IL1RAPL1: variants seen among roughly 807,000 people sequenced by gnomAD.
IL1RAPL1 encodes interleukin 1 receptor accessory protein like 1, also known as interleukin-1 receptor accessory protein-like 1.
Under a neutral mutation model 48.4 loss-of-function variants are expected in IL1RAPL1, and 3 were observed. The observed-to-expected ratio is 0.06, with a 90% CI of 0.03 to 0.16. The LOEUF is 0.16. IL1RAPL1 is among the 10% of genes least tolerant of loss of function. IL1RAPL1 has a pLI of 1.00. For missense variants in IL1RAPL1, 349 were observed against 530.6 expected, an observed-to-expected ratio of 0.66 and a Z score of 3.36; for synonymous variants, 185 against 187.7, an observed-to-expected ratio of 0.99 and a Z score of 0.12.
intron 2 of IL1RAPL1, among the ~76,000 whole-genome samples, chrX:29,146,949 A>G (rs1176184465): frequency 3.6e-5 from 4 of 112,375 alleles, no homozygotes; most frequent in African/African-American, 1.3e-4. Flanking sequence ...AATTAAGCCT[A>G]TCATCTTCAG....
chrX:29,394,814 C>T (rs1263511439), intron 3 of IL1RAPL1, among the ~76,000 whole-genome samples: 1 of 111,632 alleles, frequency 9.0e-6, no homozygotes, highest in Non-Finnish European at 1.9e-5. Flanking sequence ...AAGTATCTTT[C>T]ATCTAATTGT....
chrX:29,605,890 G>GA (rs1216591465), intron 5 of IL1RAPL1, among the ~76,000 whole-genome samples: 14 of 112,075 alleles, frequency 1.2e-4, no homozygotes, highest in African/African-American at 4.5e-4. Context: ...AGAAAGGGAT[G>GA]AAGGACATAC....
At chrX:29,611,316 C>T (rs957235206) in intron 5 of IL1RAPL1, among the ~76,000 whole-genome samples, 7 of 111,975 alleles carry the variant, frequency 6.3e-5, no homozygotes, top group Non-Finnish European at 1.1e-4. Context: ...CTTATACTAA[C>T]CTGAACATTC....
At chrX:29,019,102 C>T (rs933981097) in intron 2 of IL1RAPL1, among the ~76,000 whole-genome samples, 2 of 111,125 alleles carry the variant, frequency 1.8e-5, no homozygotes, top group Non-Finnish European at 3.8e-5. Context: ...CATCAGATCT[C>T]GTGACACCTA....
At chrX:29,546,181 G>C (rs12849515) in intron 5 of IL1RAPL1, among the ~76,000 whole-genome samples, 1 of 111,786 alleles carries the variant, frequency 8.9e-6, no homozygotes, top group Non-Finnish European at 1.9e-5. Flanking sequence ...TAGACCAATA[G>C]AATTTAATTT....
intron 2 of IL1RAPL1, among the ~76,000 whole-genome samples, chrX:29,254,474 G>A (rs1931720449): frequency 9.1e-6 from 1 of 110,159 alleles, no homozygotes; most frequent in Non-Finnish European, 1.9e-5. Flanking sequence ...AAGAGGGGGA[G>A]GGAGAGAGAG....
intron 5 of IL1RAPL1, among the ~76,000 whole-genome samples, chrX:29,667,526 C>T (rs1440326660): frequency 1.8e-5 from 2 of 111,868 alleles, no homozygotes; most frequent in Non-Finnish European, 3.8e-5. Context: ...GTAGAAATTT[C>T]GGTGACAGGT....
At chrX:29,133,284 C>G (rs1929059438) in intron 2 of IL1RAPL1, among the ~76,000 whole-genome samples, 1 of 111,615 alleles carries the variant, frequency 9.0e-6, no homozygotes, top group African/African-American at 3.3e-5. Flanking sequence ...AAGTGACACA[C>G]CCTCAACTGC....
chrX:28,804,862 T>C (rs1936712245), intron 2 of IL1RAPL1, among the ~76,000 whole-genome samples: 1 of 111,479 alleles, frequency 9.0e-6, no homozygotes, highest in South Asian at 3.7e-4. Flanking sequence ...TTAGAGTAGC[T>C]TTTACATAAA....
intron 6 of IL1RAPL1, among the ~76,000 whole-genome samples, chrX:29,915,959 C>G (rs1198854125): frequency 1.1e-5 from 1 of 87,754 alleles, no homozygotes; most frequent in Non-Finnish European, 2.2e-5. Flanking sequence ...TCCATGTGAT[C>G]TCATTGTTCA....
intron 5 of IL1RAPL1, among the ~76,000 whole-genome samples, chrX:29,585,876 CTGTT>C (rs60691855): frequency 0.12 from 13,443 of 110,807 alleles, 950 homozygotes; most frequent in African/African-American, 0.24. Context: ...GTGTGTTTTT[CTGTT>C]TGTTTGTTTG....
At chrX:29,084,945 G>A (rs1927922301) in intron 2 of IL1RAPL1, among the ~76,000 whole-genome samples, 1 of 111,815 alleles carries the variant, frequency 8.9e-6, no homozygotes, top group African/African-American at 3.2e-5. Context: ...CACCTGCCTC[G>A]GCCTCCCAAA....
intron 1 of IL1RAPL1, among the ~76,000 whole-genome samples, chrX:28,726,988 T>C (rs1682141171): frequency 8.9e-6 from 1 of 112,060 alleles, no homozygotes; most frequent in Non-Finnish European, 1.9e-5. Flanking sequence ...TTTATTCTTT[T>C]ATGGATTTTA....
intron 5 of IL1RAPL1, among the ~76,000 whole-genome samples, chrX:29,602,919 G>GATT (rs1412225315): frequency 1.4e-5 from 1 of 71,556 alleles, no homozygotes; most frequent in African/African-American, 1.0e-4. Context: ...GAATGAGAAA[G>GATT]ATTATGATTT....
chrX:29,538,509 T>C (rs964975861), intron 5 of IL1RAPL1, among the ~76,000 whole-genome samples: 3 of 108,376 alleles, frequency 2.8e-5, no homozygotes, highest in African/African-American at 1.0e-4. Context: ...AGCTAATTTT[T>C]GTATTTTTAG....
At chrX:28,784,511 A>G (rs1342016244) in intron 1 of IL1RAPL1, among the ~76,000 whole-genome samples, 1 of 111,711 alleles carries the variant, frequency 9.0e-6, no homozygotes, top group South Asian at 3.7e-4. Flanking sequence ...TTTAAGGCTT[A>G]TGAAACTTTG....
At chrX:29,248,349 G>A (rs1034554925) in intron 2 of IL1RAPL1, among the ~76,000 whole-genome samples, 3 of 111,651 alleles carry the variant, frequency 2.7e-5, no homozygotes, top group South Asian at 3.7e-4. Context: ...CGTGGGAGGC[G>A]GAGGCAGAGG....
chrX:29,588,904 G>A (rs956073048), intron 5 of IL1RAPL1, among the ~76,000 whole-genome samples: 3 of 111,809 alleles, frequency 2.7e-5, no homozygotes, highest in African/African-American at 9.8e-5. Context: ...GGCTACTTGG[G>A]TTCTATGTTA....
At chrX:29,591,024 G>A (rs1278430016) in intron 5 of IL1RAPL1, among the ~76,000 whole-genome samples, 3 of 112,185 alleles carry the variant, frequency 2.7e-5, no homozygotes, top group Admixed American at 1.9e-4. Context: ...ACACATCCTC[G>A]AGGCATGCAC....
Sources: gnomAD v4.1 joint callset for allele counts (sites outside exome capture counted in the v4.1 genomes callset) on GRCh38, gnomAD v4.1.1 for gene constraint, MANE v1.5 for transcripts, NCBI Gene and HGNC (gene_info 2026-07-23, HGNC 2026-07-21) for gene names.